MYO18B: variants seen among roughly 807,000 people sequenced by gnomAD.
MYO18B encodes unconventional myosin-XVIIIb.
A neutral mutation model predicts 273.0 loss-of-function variants in MYO18B; 204 were observed. The ratio of observed to expected loss-of-function variants is 0.75; its 90% CI spans 0.67 to 0.84. The LOEUF (loss-of-function observed/expected upper bound fraction) is 0.84. Among genes scored for constraint, MYO18B ranks in the 40% least tolerant of loss-of-function variants. The pLI is 0.00. For synonymous variants in MYO18B, 1,330 were observed against 1,305.7 expected (o/e 1.02, Z -0.40); for missense variants, 3,212 against 3,287.6 (o/e 0.98, Z 0.56).
chr22:26,049,982 C>T, the MYO18B span, among the ~76,000 whole-genome samples: 1 of 152,236 alleles, frequency 6.6e-6, no homozygotes, highest in Non-Finnish European at 1.5e-5. Flanking sequence ...TAAAGTACAG[C>T]TGTCCTTACA....
intron 12 of MYO18B, among the ~76,000 whole-genome samples, chr22:25,802,966 C>CT (rs557925408): frequency 0.28 from 37,489 of 134,800 alleles, 5,154 homozygotes; most frequent in Middle Eastern, 0.3. Context: ...TTTTTTCTTT[C>CT]TTTTTTTTTT....
intron 42 of MYO18B, among the ~76,000 whole-genome samples, chr22:26,025,291 C>A (rs1936155151): frequency 6.6e-6 from 1 of 152,212 alleles, no homozygotes; most frequent in Non-Finnish European, 1.5e-5. Context: ...CATTGGGTCA[C>A]TGTGGTCAGT....
chr22:26,040,157 T>C, the MYO18B span, among the ~76,000 whole-genome samples: 4 of 152,384 alleles, frequency 2.6e-5, no homozygotes, highest in Admixed American at 6.5e-5. Context: ...AATAATGGCC[T>C]CTAGCTCCAT....
chr22:25,936,016 A>G (rs901042470), intron 34 of MYO18B, among the ~76,000 whole-genome samples: 22 of 152,200 alleles, frequency 1.4e-4, no homozygotes, highest in African/African-American at 5.1e-4. Flanking sequence ...TCGAGTTCAT[A>G]CTATGTCAGG....
chr22:25,774,872 C>T (rs12157960), intron 7 of MYO18B, among the ~76,000 whole-genome samples: 8,338 of 152,240 alleles, frequency 0.055, 741 homozygotes, highest in African/African-American at 0.18. Context: ...AGCATGGGTG[C>T]GACCCCGTGG....
chr22:25,841,383 C>T (rs1389469460), intron 17 of MYO18B, among the ~76,000 whole-genome samples: 1 of 151,942 alleles, frequency 6.6e-6, no homozygotes, highest in Non-Finnish European at 1.5e-5. Context: ...TAAAAGTCAA[C>T]TTCAGGATAA....
At chr22:25,986,295 G>A (rs2093201690) in intron 39 of MYO18B, among the ~76,000 whole-genome samples, 1 of 152,186 alleles carries the variant, frequency 6.6e-6, no homozygotes, top group African/African-American at 2.4e-5. Flanking sequence ...GTTCATTATA[G>A]CATCAGAGAG....
chr22:26,022,962 A>C (rs1935935201), intron 42 of MYO18B, among the ~76,000 whole-genome samples: 1 of 152,218 alleles, frequency 6.6e-6, no homozygotes, highest in Non-Finnish European at 1.5e-5. Context: ...TGTGACCTCC[A>C]GATCCCCATT....
intron 34 of MYO18B, among the ~76,000 whole-genome samples, chr22:25,940,354 C>T (rs749438936): frequency 2.6e-5 from 4 of 152,186 alleles, no homozygotes; most frequent in Non-Finnish European, 5.9e-5. Context: ...GTAAGACATG[C>T]CTTTGCTTCT....
chr22:26,054,956 C>T, the MYO18B span, among the ~76,000 whole-genome samples: 2 of 152,070 alleles, frequency 1.3e-5, no homozygotes, highest in African/African-American at 2.4e-5. Context: ...CATAAACTTT[C>T]AAGCATCAGA....
chr22:25,772,494 T>G lies in MYO18B; in HGVS notation c.1853T>G (p.Val618Gly). The change falls in exon 7 of 44, where the codon GTG (valine) becomes GGG (glycine). Residue 618 changes from valine to glycine, a missense_variant. Transcript: ENST00000335473. ...GTCCTCCAGCCCCGGGGGCCCTCGGTGCCTTCTGCAGGGAAGGTGAGGTGG... is the reference window on the plus strand; with the variant it reads ...GTCCTCCAGCCCCGGGGGCCCTCGGGGCCTTCTGCAGGGAAGGTGAGGTGG... ...LIVLQPRGPS[V>G]PSAGKVPKGR... 6.2e-7 allele frequency: 1 copy of G among 1,613,492 alleles called. No homozygotes were observed. Among genetic ancestry groups the G allele is most frequent in the Non-Finnish European group, 8.5e-7 (1 of 1,179,764 alleles).
intron 39 of MYO18B, among the ~76,000 whole-genome samples, chr22:25,983,032 A>G (rs1342391174): frequency 1.3e-5 from 2 of 152,212 alleles, no homozygotes; most frequent in Non-Finnish European, 2.9e-5. Flanking sequence ...ACTAGTACAG[A>G]ATAGGGATCT....
chr22:25,917,545 G>GGGGGGTGT (rs1555944183), intron 33 of MYO18B, among the ~76,000 whole-genome samples: 72 of 142,246 alleles, frequency 5.1e-4, no homozygotes, highest in South Asian at 1.9e-3. Flanking sequence ...GCTTTGTAGG[G>GGGGGGTGT]GTGTGTGTGT....
At chr22:25,985,021 G>A (rs1320477252) in intron 39 of MYO18B, among the ~76,000 whole-genome samples, 1 of 152,142 alleles carries the variant, frequency 6.6e-6, no homozygotes, top group Non-Finnish European at 1.5e-5. Flanking sequence ...TTTAGAAATT[G>A]TGAAGGCCCC....
chr22:25,876,304 T>C lies in MYO18B; in HGVS notation c.4196T>C (p.Ile1399Thr), dbSNP rs2146197421. The C allele has an allele frequency of 6.2e-7, 1 of 1,613,408 alleles. No individual in the cohort carries two copies. The change falls in exon 24 of 44, where the codon ATT becomes ACT. Residue 1399 changes from isoleucine to threonine, a missense_variant. Transcript: ENST00000335473. ...CTCCAGCCTCTACTTAGTGCCACCA[T>C]TGGAACTGAGCAGCTCCGAGCCAAG... The part of the protein sequence containing the change: ...GSLQPLLSAT[I>T]GTEQLRAKEE...
In MYO18B at chr22:25,963,178, TCACACACACACA is replaced by T. The variant is rs1555968886; in HGVS notation, c.6156+7835_6156+7846del. On this transcript the variant is annotated intron_variant, in intron 39 of 43. Transcript: ENST00000335473. ...TCTTTCTCCTCTCTCTCTCTCTCTC[TCACACACACACA>T]CACACACACACACACACACAATTGT... Among the ~76,000 whole-genome samples, 6 of 144,072 alleles carry T rather than the reference TCACACACACACA, an allele frequency of 4.2e-5. No individual in the cohort carries two copies. The East Asian group carries it at 8.1e-4, about 20-fold the overall frequency. The allele number at this position is 144,072 out of a possible 152,430, so 94.5% of individuals were successfully genotyped here.
chr22:25,864,487 T>C (rs1163686059), intron 21 of MYO18B, among the ~76,000 whole-genome samples: 1 of 152,140 alleles, frequency 6.6e-6, no homozygotes, highest in African/African-American at 2.4e-5. Context: ...CACCATGTTG[T>C]AGAAAGCAAA....
At chr22:25,949,964 A>T (rs1256308258) in intron 36 of MYO18B, among the ~76,000 whole-genome samples, 1 of 152,184 alleles carries the variant, frequency 6.6e-6, no homozygotes, top group East Asian at 1.9e-4. Flanking sequence ...CGTTTTACGA[A>T]TGCAGAGACT....
At chr22:25,745,580 A>C (rs1336183867) in intron 1 of MYO18B, among the ~76,000 whole-genome samples, 1 of 151,328 alleles carries the variant, frequency 6.6e-6, no homozygotes, top group Non-Finnish European at 1.5e-5. Context: ...CCACAGCCTG[A>C]CTCATCCAGT....
Sources: gnomAD v4.1 joint callset for allele counts (sites outside exome capture counted in the v4.1 genomes callset) on GRCh38, gnomAD v4.1.1 for gene constraint, MANE v1.5 for transcripts, NCBI Gene and HGNC (gene_info 2026-07-23, HGNC 2026-07-21) for gene names.